Variants in XPC observed in about 807,000 individuals in gnomAD.
The protein encoded by XPC is DNA repair protein complementing XP-C cells.
In XPC, 76 loss-of-function variants were observed where a neutral mutation model predicts 95.8. The observed-to-expected ratio is 0.79, with a 90% confidence interval of 0.66 to 0.96. XPC has a LOEUF of 0.96. XPC is among the 40% of genes least tolerant of loss of function. XPC has a pLI of 0.00. For synonymous variants in XPC, 442 were observed against 442.1 expected (o/e 1.00, Z 0.00); for missense variants, 1,146 against 1,179.8 (o/e 0.97, Z 0.42).
At chr3:14,176,926 C>T (rs1696841678) in intron 1 of XPC, among the ~76,000 whole-genome samples, 2 of 152,150 alleles carry the variant, frequency 1.3e-5, no homozygotes, top group South Asian at 4.1e-4. Context: ...CATGGCGAAA[C>T]CCCATCTATA....
At chr3:14,160,322 T>C (rs1696118794) in intron 7 of XPC, among the ~76,000 whole-genome samples, 1 of 152,200 alleles carries the variant, frequency 6.6e-6, no homozygotes, top group South Asian at 2.1e-4. Flanking sequence ...CTGTTCCCTG[T>C]TTTCCAATTT....
chr3:14,146,847 T>G (rs868096734), intron 15 of XPC, among the ~76,000 whole-genome samples: 1 of 152,166 alleles, frequency 6.6e-6, no homozygotes, highest in Non-Finnish European at 1.5e-5. Flanking sequence ...GAGGGCTGCA[T>G]GTCAAATTCA....
At chr3:14,172,679 T>TA (rs1696658711) in intron 2 of XPC, among the ~76,000 whole-genome samples, 188 bp downstream of exon 2, 1 of 152,212 alleles carries the variant, frequency 6.6e-6, no homozygotes, top group South Asian at 2.1e-4. Context: ...ATAAATCACT[T>TA]ACTGCATGCT....
chr3:14,177,010 G>T (rs961790563), intron 1 of XPC, among the ~76,000 whole-genome samples: 1 of 152,190 alleles, frequency 6.6e-6, no homozygotes, highest in Non-Finnish European at 1.5e-5. Context: ...TGAGGCAGGA[G>T]AATCACTTGA....
At chr3:14,155,015 A>T (rs1004854815) in intron 10 of XPC, among the ~76,000 whole-genome samples, 12 of 152,168 alleles carry the variant, frequency 7.9e-5, no homozygotes, top group Non-Finnish European at 1.8e-4. Flanking sequence ...GTACATACCC[A>T]TAAGAGGAAG....
At chr3:14,159,683 T>G in intron 8 of XPC, 58 bp downstream of exon 8, 1 of 1,471,790 alleles carries the variant, frequency 6.8e-7, no homozygotes, top group Non-Finnish European at 9.3e-7. Flanking sequence ...TCAATTTTTT[T>G]AAGTGTGACA....
At position 14,164,952 on chromosome 3, in the gene XPC, T is replaced by C. The variant is rs1696315932; in HGVS notation, c.780-19A>G. On this transcript the variant is annotated intron_variant, in intron 6 of 15. Transcript: ENST00000285021. ...AATGAACCTGGGGAGAAAGCAGGCA[T>C]TCCTTGTGTCAGAGGTCAGGGCAAA... 17 of 1,603,834 alleles carry C rather than the reference T, an allele frequency of 1.1e-5. No homozygotes were observed. The highest frequency in any genetic ancestry group is 1.4e-5 in the Non-Finnish European group (17 of 1,175,620).
intron 7 of XPC, among the ~76,000 whole-genome samples, chr3:14,163,387 G>C (rs1269628195): frequency 6.6e-6 from 1 of 152,154 alleles, no homozygotes; most frequent in Non-Finnish European, 1.5e-5. Flanking sequence ...TAGAGAAAAT[G>C]TATAAACATG....
Position 14,145,932 on chromosome 3 carries a change from GC to G in XPC, c.*8del. 6.3e-7 allele frequency: 1 copy of G among 1,599,216 alleles called. No individual in the cohort carries two copies. The highest frequency in any genetic ancestry group is 8.6e-7 in the Non-Finnish European group (1 of 1,169,046). ...CAACTGGTGGGTGCCCCTCTAGTGG[GC>G]GCTCAGCTCACAGCTGCTCAAATGG... is the stretch of plus-strand genomic sequence containing the variant. On this transcript the variant is annotated 3_prime_UTR_variant, in exon 16 of 16. Transcript: ENST00000285021.
intron 10 of XPC, among the ~76,000 whole-genome samples, 170 bp downstream of exon 10, chr3:14,156,165 A>C (rs1372776440): frequency 1.3e-5 from 2 of 151,964 alleles, no homozygotes; most frequent in Admixed American, 1.3e-4. Flanking sequence ...TTTAATTTTC[A>C]AATTTTCTTC....
chr3:14,178,255 G>T (rs370753786), intron 1 of XPC: 17 of 566,728 alleles, frequency 3.0e-5, no homozygotes, highest in African/African-American at 2.4e-4. Context: ...CTTGGATCGG[G>T]CGAAGCTCGC....
intron 11 of XPC, chr3:14,149,840 A>C (rs1289590168): frequency 1.3e-5 from 2 of 152,246 alleles, no homozygotes; most frequent in Non-Finnish European, 2.9e-5. Flanking sequence ...TCCATTTTAC[A>C]GATGAACACC....
intron 2 of XPC, 51 bp from the exon 3 acceptor site, chr3:14,170,601 G>A (rs1426781465): frequency 1.4e-6 from 2 of 1,413,568 alleles, no homozygotes; most frequent in African/African-American, 2.9e-5. Flanking sequence ...ACATCCTAGT[G>A]TTCCATTCAA....
intron 13 of XPC, 48 bp from the exon 14 acceptor site, chr3:14,148,049 T>C: frequency 6.7e-7 from 1 of 1,484,260 alleles, no homozygotes; most frequent in East Asian, 2.5e-5. Flanking sequence ...CTGCCTGCTC[T>C]GCCTCTCCTC....
chr3:14,148,090 C>A (rs1286307298), intron 13 of XPC, 89 bp from the exon 14 acceptor site: 47 of 1,111,790 alleles, frequency 4.2e-5, no homozygotes. Flanking sequence ...CAGTGGGCCA[C>A]ATCTGAGCAC....
intron 1 of XPC, among the ~76,000 whole-genome samples, chr3:14,177,700 G>A (rs1425182870): frequency 2.6e-5 from 1 of 38,430 alleles, no homozygotes; most frequent in Non-Finnish European, 4.8e-5. Context: ...CAGGAGCAGG[G>A]CATGATTTTT....
chr3:14,173,982 TC>T (rs1696714185), intron 1 of XPC, among the ~76,000 whole-genome samples: 1 of 152,190 alleles, frequency 6.6e-6, no homozygotes, highest in Admixed American at 6.5e-5. Flanking sequence ...TTCAGTCTTT[TC>T]ATTGTTTGTC....
At chr3:14,166,403 C>T (rs1696380972) in intron 5 of XPC, among the ~76,000 whole-genome samples, 1 of 152,102 alleles carries the variant, frequency 6.6e-6, no homozygotes, top group African/African-American at 2.4e-5. Flanking sequence ...ACCATCCTTG[C>T]ACCTCTAGAT....
At chr3:14,163,925 T>G (rs1018787097) in intron 7 of XPC, among the ~76,000 whole-genome samples, 3 of 152,230 alleles carry the variant, frequency 2.0e-5, no homozygotes, top group Non-Finnish European at 4.4e-5. Context: ...GGTGGGCACC[T>G]GTAATCCCAG....
Sources: allele counts gnomAD v4.1 joint callset (sites outside exome capture counted in the v4.1 genomes callset), GRCh38; gene constraint gnomAD v4.1.1; transcripts MANE v1.5; gene names NCBI Gene and HGNC (gene_info 2026-07-23, HGNC 2026-07-21).